The following MACROD2 variants were observed in gnomAD, a reference collection of about 807,000 sequenced individuals.
MACROD2 encodes the protein mono-ADP ribosylhydrolase 2.
Under a neutral mutation model 70.4 loss-of-function variants are expected in MACROD2, and 36 were observed. The ratio of observed to expected loss-of-function variants is 0.51; its 90% confidence interval spans 0.39 to 0.68. The LOEUF is 0.68. MACROD2 is among the 30% of genes least tolerant of loss of function. The probability of loss-of-function intolerance (pLI) is 0.00; values close to 1 mark genes in which losing one functional copy is unlikely to be tolerated. For missense variants in MACROD2, 496 were observed against 538.4 expected, an observed-to-expected ratio of 0.92 and a Z score of 0.78; for synonymous variants, 172 against 178.8, an observed-to-expected ratio of 0.96 and a Z score of 0.30.
At chr20:15,141,959 C>T (rs6034110) in intron 5 of MACROD2, among the ~76,000 whole-genome samples, 6,046 of 152,060 alleles carry the variant, frequency 0.04, 422 homozygotes, top group African/African-American at 0.14. Context: ...TTGTGTTCTC[C>T]GCTTCTTTAA....
At position 15,126,840 on chromosome 20, in the gene MACROD2, T is replaced by TA. The variant is rs1031917519; in HGVS notation, c.419-103092dup. ...TAACTTGTAAAATAAAAGGATAATT[T>TA]AAAAAAAATCTAAGTTGAAGCTTAG... On this transcript the variant is annotated intron_variant, in intron 5 of 17. Coordinates refer to ENST00000684519, the MANE Select transcript of MACROD2 (RefSeq NM_001351661.2). 4.5e-4 allele frequency among the ~76,000 whole-genome samples: 69 copies of TA among 152,160 alleles called. 1 individual carries two copies. Among genetic ancestry groups the TA allele is most frequent in the African/African-American group, 1.5e-3 (62 of 41,544 alleles).
At chr20:14,928,076 G>A (rs775027588) in intron 5 of MACROD2, among the ~76,000 whole-genome samples, 3 of 152,212 alleles carry the variant, frequency 2.0e-5, no homozygotes. Context: ...GGATTTTCCA[G>A]GTTAAGCAGA....
intron 7 of MACROD2, among the ~76,000 whole-genome samples, chr20:15,480,877 G>A (rs1353369195): frequency 6.6e-6 from 1 of 152,056 alleles, no homozygotes; most frequent in Admixed American, 6.5e-5. Context: ...CTCTTGTTGG[G>A]CTATGGTTAC....
rs187017963 is a variant in MACROD2 at position 15,007,431 on chromosome 20, C to G, written c.419-222509C>G. Among the ~76,000 whole-genome samples, 72 of 151,580 alleles carry G rather than the reference C, an allele frequency of 4.7e-4. No homozygotes were observed. The Middle Eastern group carries it at 0.01, about 22-fold the overall frequency. The stretch of plus-strand genomic sequence containing the variant: ...AGAATTCTCACACTGCCCTGTCATA[C>G]ATTATATACTCTCTTGTTCAATTTT... On this transcript the variant is annotated intron_variant, in intron 5 of 17. Coordinates refer to ENST00000684519, the MANE Select transcript of MACROD2 (RefSeq NM_001351661.2).
At chr20:14,974,403 C>T (rs376723552) in intron 5 of MACROD2, among the ~76,000 whole-genome samples, 33 of 152,026 alleles carry the variant, frequency 2.2e-4, no homozygotes, top group South Asian at 4.1e-4. Flanking sequence ...GAGTATGTCA[C>T]GGCAGAAAAT....
intron 5 of MACROD2, among the ~76,000 whole-genome samples, chr20:14,963,774 A>G (rs766767044): frequency 6.6e-5 from 10 of 152,158 alleles, no homozygotes; most frequent in Non-Finnish European, 1.2e-4. Context: ...CATAATGATC[A>G]ATCTCTTTTT....
chr20:15,655,042 A>T (rs2049706588), intron 8 of MACROD2, among the ~76,000 whole-genome samples: 1 of 152,164 alleles, frequency 6.6e-6, no homozygotes. Flanking sequence ...GTTAGGTAGC[A>T]GTTCATAGAA....
intron 2 of MACROD2, among the ~76,000 whole-genome samples, chr20:14,080,169 C>T (rs2053970760): frequency 6.6e-6 from 1 of 152,062 alleles, no homozygotes; most frequent in African/African-American, 2.4e-5. Flanking sequence ...GAAGGTCAGG[C>T]ACGGTGGCTC....
intron 8 of MACROD2, among the ~76,000 whole-genome samples, chr20:15,655,612 A>G (rs1423144175): frequency 6.6e-6 from 1 of 152,222 alleles, no homozygotes; most frequent in African/African-American, 2.4e-5. Context: ...CTACCACAAA[A>G]GAAAAAATGT....
At chr20:14,217,821 G>A (rs1461351713) in intron 3 of MACROD2, among the ~76,000 whole-genome samples, 1 of 152,080 alleles carries the variant, frequency 6.6e-6, no homozygotes, top group Non-Finnish European at 1.5e-5. Flanking sequence ...AGCCTTGAAT[G>A]ATCTTTCATA....
intron 4 of MACROD2, among the ~76,000 whole-genome samples, chr20:14,538,127 A>G (rs1003221135): frequency 1.3e-5 from 2 of 152,216 alleles, no homozygotes; most frequent in African/African-American, 4.8e-5. Flanking sequence ...TAATGATCCC[A>G]TTTTAAAACA....
intron 6 of MACROD2, among the ~76,000 whole-genome samples, chr20:15,348,034 C>A (rs575730919): frequency 6.6e-6 from 1 of 152,314 alleles, no homozygotes; most frequent in South Asian, 2.1e-4. Context: ...GGGCATCCAA[C>A]CACACAATCT....
At position 15,136,011 on chromosome 20, in the gene MACROD2, GA is replaced by G. The variant is rs994942337; in HGVS notation, c.419-93927del. Among the ~76,000 whole-genome samples, 1,241 of 148,696 alleles carry G rather than the reference GA, an allele frequency of 8.3e-3. 16 individuals are homozygous for G. Among genetic ancestry groups the G allele is most frequent in the African/African-American group, 0.029 (1,189 of 40,464 alleles). On this transcript the variant is annotated intron_variant, in intron 5 of 17. Coordinates refer to ENST00000684519, the MANE Select transcript of MACROD2 (RefSeq NM_001351661.2). ...TAGGAATCCAACTTACAAGGGATGT[GA>G]AGGACCTCTTCAAGGAGAACTACCA...
At chr20:14,126,334 C>A (rs2148695834) in intron 3 of MACROD2, among the ~76,000 whole-genome samples, 1 of 152,254 alleles carries the variant, frequency 6.6e-6, no homozygotes, top group Non-Finnish European at 1.5e-5. Context: ...CAAATTGGAT[C>A]AGGGCCCACC....
chr20:15,573,799 G>A (rs1325619714), intron 8 of MACROD2, among the ~76,000 whole-genome samples: 2 of 151,994 alleles, frequency 1.3e-5, no homozygotes, highest in Non-Finnish European at 1.5e-5. Context: ...GGGAACTCTG[G>A]CACTTGGAAT....
intron 5 of MACROD2, among the ~76,000 whole-genome samples, chr20:14,940,081 C>T (rs2074376264): frequency 8.0e-6 from 1 of 124,380 alleles, no homozygotes; most frequent in Non-Finnish European, 1.6e-5. Flanking sequence ...TAAACCTGAA[C>T]AAGGCTAATT....
intron 13 of MACROD2, among the ~76,000 whole-genome samples, chr20:15,970,708 G>T (rs1302051443): frequency 6.6e-6 from 1 of 152,188 alleles, no homozygotes; most frequent in Non-Finnish European, 1.5e-5. Flanking sequence ...CAAACGGAAT[G>T]CTCAGAGGTC....
chr20:14,980,931 C>A (rs1170926973), intron 5 of MACROD2, among the ~76,000 whole-genome samples: 2 of 152,150 alleles, frequency 1.3e-5, no homozygotes, highest in East Asian at 3.9e-4. Flanking sequence ...CAGGCTAGGG[C>A]AGAAGCCTCC....
At chr20:15,544,924 A>G (rs1325181201) in intron 8 of MACROD2, among the ~76,000 whole-genome samples, 1 of 152,164 alleles carries the variant, frequency 6.6e-6, no homozygotes, top group Non-Finnish European at 1.5e-5. Context: ...GTATGCCCTC[A>G]TTTCCAGGCC....
Sources: allele counts gnomAD v4.1 joint callset (sites outside exome capture counted in the v4.1 genomes callset), GRCh38; gene constraint gnomAD v4.1.1; transcripts MANE v1.5; gene names NCBI Gene and HGNC (gene_info 2026-07-23, HGNC 2026-07-21).